The following GPHN variants were observed in gnomAD, a reference collection of about 807,000 sequenced individuals.
GPHN encodes the protein gephyrin.
In GPHN, 17 loss-of-function variants were observed where a neutral mutation model predicts 95.5. The observed-to-expected ratio is 0.18, with a 90% confidence interval of 0.12 to 0.27. The LOEUF (loss-of-function observed/expected upper bound fraction) is 0.27, where lower values mean the gene tolerates loss of function less well. GPHN is among the 10% of genes least tolerant of loss of function. The probability of loss-of-function intolerance (pLI) is 1.00; values close to 1 mark genes in which losing one functional copy is unlikely to be tolerated. For synonymous variants in GPHN, 320 were observed against 322.5 expected (o/e 0.99, Z 0.08); for missense variants, 660 against 978.1 (o/e 0.67, Z 4.34).
intron 2 of GPHN, among the ~76,000 whole-genome samples, chr14:66,739,218 CTTT>C (rs540067795): frequency 3.7e-5 from 5 of 134,626 alleles, no homozygotes; most frequent in Non-Finnish European, 6.3e-5. Context: ...TTTCTTACAG[CTTT>C]TTTTTTTTTT....
chr14:66,560,919 A>G (rs1186471799), intron 1 of GPHN, among the ~76,000 whole-genome samples: 2 of 152,180 alleles, frequency 1.3e-5, no homozygotes, highest in Admixed American at 6.5e-5. Flanking sequence ...ACATCCCATC[A>G]TTACCTAATT....
intron 4 of GPHN, among the ~76,000 whole-genome samples, chr14:66,857,768 CAGTCTTGAATTACCA>C (rs2062860032): frequency 6.6e-6 from 1 of 152,142 alleles, no homozygotes; most frequent in Non-Finnish European, 1.5e-5. Context: ...ATAGGAAACA[CAGTCTTGAATTACCA>C]ACACCACCCC....
At chr14:66,807,361 G>T (rs549703290) in intron 3 of GPHN, among the ~76,000 whole-genome samples, 2 of 152,248 alleles carry the variant, frequency 1.3e-5, no homozygotes, top group Non-Finnish European at 2.9e-5. Flanking sequence ...TATAATTATT[G>T]TCTCTATTTC....
At chr14:67,054,258 A>G (rs1049231113) in intron 10 of GPHN, among the ~76,000 whole-genome samples, 2 of 151,878 alleles carry the variant, frequency 1.3e-5, no homozygotes, top group African/African-American at 4.8e-5. Flanking sequence ...ACCTTCAGCA[A>G]AGTACAAAAT....
chr14:67,122,175 A>G, intron 16 of GPHN, 81 bp from the exon 17 acceptor site: 1 of 1,410,008 alleles, frequency 7.1e-7, no homozygotes, highest in Non-Finnish European at 1.0e-6. Context: ...TGCTAAACTC[A>G]GTTTAGTAGA....
intron 1 of GPHN, among the ~76,000 whole-genome samples, chr14:66,647,268 A>G (rs1212004701): frequency 6.7e-6 from 1 of 150,028 alleles, no homozygotes; most frequent in Non-Finnish European, 1.5e-5. Context: ...TACATAAATC[A>G]GATCATGCCA....
the GPHN span, chr14:67,334,413 T>A: frequency 6.5e-6 from 1 of 152,790 alleles, no homozygotes; most frequent in Non-Finnish European, 1.5e-5. Flanking sequence ...ATGGTGACTT[T>A]AGCTACAGCA....
intron 5 of GPHN, among the ~76,000 whole-genome samples, chr14:66,886,877 G>A (rs112224026): frequency 0.015 from 2,303 of 152,272 alleles, 33 homozygotes; most frequent in Non-Finnish European, 0.018. Flanking sequence ...AACCTAAACT[G>A]TAATTGACAA....
the GPHN span, among the ~76,000 whole-genome samples, chr14:67,404,046 G>T: frequency 6.6e-6 from 1 of 151,490 alleles, no homozygotes; most frequent in Non-Finnish European, 1.5e-5. Context: ...CAGTGAGACT[G>T]CCAAAAAAAT....
the GPHN span, among the ~76,000 whole-genome samples, chr14:67,319,243 T>A: frequency 6.6e-6 from 1 of 152,170 alleles, no homozygotes; most frequent in South Asian, 2.1e-4. Flanking sequence ...TGAGGGAGTC[T>A]GACTTCACAT....
intron 1 of GPHN, among the ~76,000 whole-genome samples, chr14:66,626,240 G>A (rs2063522863): frequency 6.6e-6 from 1 of 152,118 alleles, no homozygotes; most frequent in Non-Finnish European, 1.5e-5. Context: ...CTTATAGATA[G>A]GAAAAGTAAA....
chr14:66,711,189 C>T (rs1488275761), intron 2 of GPHN, among the ~76,000 whole-genome samples: 1 of 152,054 alleles, frequency 6.6e-6, no homozygotes, highest in African/African-American at 2.4e-5. Flanking sequence ...CTTAACCCTC[C>T]CCCTCCACCC....
At chr14:66,718,121 G>A (rs1441591261) in intron 2 of GPHN, among the ~76,000 whole-genome samples, 2 of 152,106 alleles carry the variant, frequency 1.3e-5, no homozygotes, top group Non-Finnish European at 2.9e-5. Flanking sequence ...AAGTGTGTCC[G>A]GAATTGGTTC....
chr14:66,617,878 G>A (rs896795312), intron 1 of GPHN, among the ~76,000 whole-genome samples: 3 of 152,028 alleles, frequency 2.0e-5, no homozygotes, highest in Admixed American at 2.0e-4. Context: ...GATATATTTT[G>A]TAATAACTGG....
the GPHN span, among the ~76,000 whole-genome samples, chr14:67,456,967 C>T: frequency 2.6e-5 from 4 of 152,142 alleles, no homozygotes; most frequent in South Asian, 2.1e-4. Flanking sequence ...AACGAGATCA[C>T]GTCCTTTGAG....
chr14:67,434,936 T>G, the GPHN span, among the ~76,000 whole-genome samples: 15 of 151,204 alleles, frequency 9.9e-5, no homozygotes, highest in Admixed American at 7.2e-4. Context: ...CATGCTAATG[T>G]GCTAGCTCAG....
the GPHN span, among the ~76,000 whole-genome samples, chr14:67,233,815 G>A: frequency 6.6e-6 from 1 of 152,198 alleles, no homozygotes; most frequent in African/African-American, 2.4e-5. Flanking sequence ...ACTGGAAACT[G>A]TGTCAGAATC....
the GPHN span, chr14:67,656,336 T>A: frequency 7.5e-7 from 1 of 1,335,338 alleles, no homozygotes; most frequent in Non-Finnish European, 9.9e-7. Flanking sequence ...GCTGTAGCTT[T>A]TGGCCTTAGT....
the GPHN span, chr14:67,340,547 G>C: frequency 6.4e-7 from 1 of 1,570,012 alleles, no homozygotes; most frequent in Non-Finnish European, 8.8e-7. Flanking sequence ...TAATATGTGT[G>C]AGAACTTCAA....
Sources: gnomAD v4.1 joint callset for allele counts (sites outside exome capture counted in the v4.1 genomes callset) on GRCh38, gnomAD v4.1.1 for gene constraint, MANE v1.5 for transcripts, NCBI Gene and HGNC (gene_info 2026-07-23, HGNC 2026-07-21) for gene names.